The following ZDHHC11B variants were observed in gnomAD, a reference collection of about 807,000 sequenced individuals.
ZDHHC11B encodes probable palmitoyltransferase ZDHHC11B.
In ZDHHC11B, 17 loss-of-function variants were observed where a neutral mutation model predicts 42.3. The ratio of observed to expected loss-of-function variants is 0.40; its 90% CI spans 0.27 to 0.60. The LOEUF is 0.60. Among genes scored for constraint, ZDHHC11B ranks in the 20% least tolerant of loss-of-function variants. The probability of loss-of-function intolerance (pLI) is 0.41; values close to 1 mark genes in which losing one functional copy is unlikely to be tolerated. For synonymous variants in ZDHHC11B, 123 were observed against 193.5 expected (o/e 0.64, Z 3.02); for missense variants, 262 against 463.2 (o/e 0.57, Z 3.99).
At chr5:713,455 CTA>C (rs1410395859) in intron 13 of ZDHHC11B, among the ~76,000 whole-genome samples, 2 of 152,032 alleles carry the variant, frequency 1.3e-5, no homozygotes, top group East Asian at 3.8e-4. Context: ...TCTGTTTCTA[CTA>C]TGTTTTCTGC....
chr5:775,611 G>A (rs1736408985), intron 1 of ZDHHC11B, among the ~76,000 whole-genome samples: 1 of 151,704 alleles, frequency 6.6e-6, no homozygotes, highest in Non-Finnish European at 1.5e-5. Flanking sequence ...CTCGTGCCCT[G>A]GAGAACTCCC....
chr5:772,295 T>C (rs1219394979), intron 1 of ZDHHC11B, among the ~76,000 whole-genome samples: 176 of 147,774 alleles, frequency 1.2e-3, no homozygotes, highest in African/African-American at 3.9e-3. Context: ...TCAGCCCCTC[T>C]CAGCACAGCA....
At position 748,489 on chromosome 5, in the gene ZDHHC11B, G is replaced by A. The variant is rs548459386; in HGVS notation, c.699C>T (p.Val233=). 157 of 1,364,258 alleles carry A rather than the reference G, an allele frequency of 1.2e-4. 12 individuals carry two copies. The highest frequency in any genetic ancestry group is 9.6e-4 in the African/African-American group (69 of 72,244). The allele number at this position is 1,364,258 out of a possible 1,614,324, so 84.5% of individuals were successfully genotyped here. The change falls in exon 8 of 14, where the codon GTC becomes GTT. Residue 233 remains valine, a synonymous_variant. Transcript: ENST00000508859. The part of the protein sequence containing the change: ...LFPVQVQTLI[V]VIIRMLVLLL... ...GGAGCACGAGCATCCTGATGATCACGACTATCAGAGTCTGCACCTGCACCG... is the reference window on the plus strand; with the variant it reads ...GGAGCACGAGCATCCTGATGATCACAACTATCAGAGTCTGCACCTGCACCG...
chr5:769,816 T>C (rs1735838878), intron 1 of ZDHHC11B, among the ~76,000 whole-genome samples: 2 of 151,980 alleles, frequency 1.3e-5, no homozygotes, highest in African/African-American at 4.8e-5. Context: ...GCCAGCACTC[T>C]GGTCTTTGCT....
At chr5:717,510 G>T (rs191747461) in intron 12 of ZDHHC11B, among the ~76,000 whole-genome samples, 1 of 151,808 alleles carries the variant, frequency 6.6e-6, no homozygotes, top group African/African-American at 2.4e-5. Context: ...GAAAGATTTT[G>T]AAAGACCCAC....
intron 1 of ZDHHC11B, among the ~76,000 whole-genome samples, chr5:776,578 C>A (rs1343579940): frequency 1.3e-5 from 2 of 151,804 alleles, no homozygotes; most frequent in African/African-American, 4.8e-5. Context: ...GGACAGCTCT[C>A]AGCTCGAGAC....
At position 711,286 on chromosome 5, in the gene ZDHHC11B, C is replaced by CTT. The variant is rs1295388466; in HGVS notation, c.*1003_*1004insAA. 1.3e-5 allele frequency: 2 copies of CTT among 153,652 alleles called. No homozygotes were observed. Among genetic ancestry groups the CTT allele is most frequent in the Non-Finnish European group, 2.9e-5 (2 of 68,984 alleles). The allele number at this position is 153,652 out of a possible 1,614,324, so 9.5% of individuals were successfully genotyped here. Reference sequence around the variant, plus strand: ...TGCTGTGAACTCCCATTTCCCAGTACTGTGCTCCCAATTCCCAGTACTGTG... The same window carrying CTT: ...TGCTGTGAACTCCCATTTCCCAGTACTTTGTGCTCCCAATTCCCAGTACTGTG... On this transcript the variant is annotated 3_prime_UTR_variant, in exon 14 of 14. Coordinates refer to ENST00000508859, the MANE Select transcript of ZDHHC11B (RefSeq NM_001351303.2).
chr5:731,057 T>A (rs969911885), intron 11 of ZDHHC11B, among the ~76,000 whole-genome samples: 2 of 151,872 alleles, frequency 1.3e-5, no homozygotes, highest in African/African-American at 2.4e-5. Flanking sequence ...TGCACACACA[T>A]GTTGTTCTCA....
intron 1 of ZDHHC11B, among the ~76,000 whole-genome samples, chr5:777,503 A>G (rs1415102867): frequency 6.6e-6 from 1 of 151,850 alleles, no homozygotes; most frequent in Admixed American, 6.6e-5. Flanking sequence ...TATTGCTAAG[A>G]GCAAAAGAAC....
At chr5:736,844 A>C (rs1178314578) in intron 10 of ZDHHC11B, among the ~76,000 whole-genome samples, 2 of 130,070 alleles carry the variant, frequency 1.5e-5, no homozygotes, top group African/African-American at 5.7e-5. Flanking sequence ...CACAGCATTA[A>C]ATGGCCACAT....
chr5:770,015 C>T (rs1171617157), intron 1 of ZDHHC11B, among the ~76,000 whole-genome samples: 4 of 151,900 alleles, frequency 2.6e-5, no homozygotes, highest in East Asian at 1.9e-4. Context: ...CCTCCAACTC[C>T]AGCGACAGCT....
At position 775,058 on chromosome 5, in the gene ZDHHC11B, T is replaced by C. The variant is rs533685772; in HGVS notation, c.-229-6128A>G. Among the ~76,000 whole-genome samples, 198 of 151,542 alleles carry C rather than the reference T, an allele frequency of 1.3e-3. 3 individuals carry two copies. The highest frequency in any genetic ancestry group is 4.2e-3 in the South Asian group (20 of 4,784). ...GAGCCATGGAGTCAGTGGGAGCTAC[T>C]ACCCCTCAGCTCATCACCCCTCCCT... On this transcript the variant is annotated intron_variant, in intron 1 of 13. Transcript: ENST00000508859.
Position 766,728 on chromosome 5 carries a change from C to A in ZDHHC11B, c.192G>T (p.Leu64=), listed in dbSNP as rs758026575. The A allele has an allele frequency of 1.9e-6, 3 of 1,611,430 alleles. No homozygotes were observed. The highest frequency in any genetic ancestry group is 2.2e-5 in the South Asian group (2 of 90,754). Residue 64 remains leucine (L), a synonymous_variant, in exon 4 of 14, where the codon CTG becomes CTT. Coordinates refer to ENST00000508859, the MANE Select transcript of ZDHHC11B (RefSeq NM_001351303.2). ...AGGCGATGTATTTCCACGAGTGAGG[C>A]AGGAGGGGAATGAAGATCCTGAAGG... ...LATFRIFIPL[L]PHSWKYIAYV... is the part of the protein sequence containing the mutation.
intron 12 of ZDHHC11B, among the ~76,000 whole-genome samples, chr5:724,620 C>A (rs1340773857): frequency 7.1e-6 from 1 of 141,042 alleles, no homozygotes; most frequent in Non-Finnish European, 1.5e-5. Context: ...TCTTGATCTG[C>A]TTTCTCGGCC....
At chr5:763,406 T>C (rs1226068909) in intron 4 of ZDHHC11B, among the ~76,000 whole-genome samples, 2 of 147,518 alleles carry the variant, frequency 1.4e-5, no homozygotes, top group Admixed American at 6.8e-5. Context: ...AGAAGAAAAA[T>C]ACAACCTATG....
At chr5:720,035 T>C (rs1742067353) in intron 12 of ZDHHC11B, among the ~76,000 whole-genome samples, 1 of 151,750 alleles carries the variant, frequency 6.6e-6, no homozygotes, top group Admixed American at 6.6e-5. Context: ...TATCTACAGT[T>C]TCAGATACTT....
At chr5:753,864 C>T (rs1746128623) in intron 6 of ZDHHC11B, among the ~76,000 whole-genome samples, 1 of 146,748 alleles carries the variant, frequency 6.8e-6, no homozygotes, top group Admixed American at 7.0e-5. Flanking sequence ...TCCCCACTCC[C>T]ACGCACACCA....
intron 11 of ZDHHC11B, among the ~76,000 whole-genome samples, chr5:731,593 T>C: frequency 6.6e-6 from 1 of 151,644 alleles, no homozygotes; most frequent in Non-Finnish European, 1.5e-5. Flanking sequence ...GTTTTCATGG[T>C]TCTTTAAATA....
At chr5:758,761 C>A (rs1734188083) in intron 4 of ZDHHC11B, among the ~76,000 whole-genome samples, 1 of 151,984 alleles carries the variant, frequency 6.6e-6, no homozygotes, top group South Asian at 2.1e-4. Context: ...CAGGTTGAAG[C>A]AAATCTTTCA....
Sources: gnomAD v4.1 joint callset for allele counts (sites outside exome capture counted in the v4.1 genomes callset) on GRCh38, gnomAD v4.1.1 for gene constraint, MANE v1.5 for transcripts, NCBI Gene and HGNC (gene_info 2026-07-23, HGNC 2026-07-21) for gene names.